Variants in AP3B1 observed in about 807,000 individuals in gnomAD.
AP3B1 encodes the protein adaptor related protein complex 3 subunit beta 1.
In AP3B1, 61 loss-of-function variants were observed where a neutral mutation model predicts 132.5. The ratio of observed to expected loss-of-function variants is 0.46; its 90% CI spans 0.37 to 0.57. The LOEUF is 0.57. AP3B1 is among the 20% of genes least tolerant of loss of function. AP3B1 has a pLI of 0.00. For synonymous variants in AP3B1, 388 were observed against 438.3 expected, an observed-to-expected ratio of 0.89 and a Z score of 1.43; for missense variants, 1,120 against 1,289.4, an observed-to-expected ratio of 0.87 and a Z score of 2.01.
At chr5:78,051,079 A>C (rs1482812817) in intron 22 of AP3B1, among the ~76,000 whole-genome samples, 1 of 152,190 alleles carries the variant, frequency 6.6e-6, no homozygotes, top group Non-Finnish European at 1.5e-5. Flanking sequence ...AATCTATGTG[A>C]CTCATGATGC....
chr5:78,215,906 C>T lies in AP3B1; in HGVS notation c.786+149G>A, dbSNP rs544205012. On this transcript the variant is annotated intron_variant, in intron 7 of 26. Coordinates refer to ENST00000255194, the MANE Select transcript of AP3B1 (RefSeq NM_003664.5). ...ATTATGCTTGCATTTATATTGGTTG[C>T]CTGCTTTAGTAAAAGAACAAGAGAC... 7.1e-6 allele frequency: 5 copies of T among 701,520 alleles called. No individual in the cohort carries two copies. In the East Asian group the frequency reaches 1.3e-4, roughly 19 times the overall value. 43.5% of individuals were successfully genotyped at this position (701,520 alleles called of 1,614,324 possible).
intron 14 of AP3B1, among the ~76,000 whole-genome samples, chr5:78,142,249 A>T (rs1753179817): frequency 6.6e-6 from 1 of 152,254 alleles, no homozygotes; most frequent in African/African-American, 2.4e-5. Context: ...AGTACCATTA[A>T]GACCAACAAT....
At chr5:78,169,647 C>T (rs527613444) in intron 11 of AP3B1, among the ~76,000 whole-genome samples, 42 of 152,140 alleles carry the variant, frequency 2.8e-4, no homozygotes, top group African/African-American at 9.4e-4. Flanking sequence ...AAGCTGGTGT[C>T]GAACTCCTGG....
At chr5:78,278,625 A>AAAAAAAAGG (rs1561217252) in intron 1 of AP3B1, among the ~76,000 whole-genome samples, 1 of 52,248 alleles carries the variant, frequency 1.9e-5, no homozygotes, top group African/African-American at 6.1e-5. Flanking sequence ...AAAAAAAAAA[A>AAAAAAAAGG]GGGGGGGGGG....
chr5:78,119,931 A>G (rs1246998141), intron 17 of AP3B1, among the ~76,000 whole-genome samples: 1 of 152,224 alleles, frequency 6.6e-6, no homozygotes, highest in Non-Finnish European at 1.5e-5. Context: ...CGTTAAGGGC[A>G]GCCAGAGAGA....
chr5:78,068,718 T>C (rs959004801), intron 22 of AP3B1, among the ~76,000 whole-genome samples: 5 of 152,012 alleles, frequency 3.3e-5, no homozygotes, highest in Admixed American at 6.5e-5. Flanking sequence ...TTCCAAACAA[T>C]TGAAAAGGAG....
chr5:78,105,946 TC>T (rs1264563513), intron 20 of AP3B1, among the ~76,000 whole-genome samples: 1 of 152,166 alleles, frequency 6.6e-6, no homozygotes, highest in African/African-American at 2.4e-5. Flanking sequence ...CTTTTGACTA[TC>T]CCATTCACAT....
intron 22 of AP3B1, among the ~76,000 whole-genome samples, chr5:78,067,257 C>T (rs1749332125): frequency 6.6e-6 from 1 of 152,146 alleles, no homozygotes; most frequent in African/African-American, 2.4e-5. Flanking sequence ...TAGGAGCACC[C>T]AGATTCATAA....
intron 7 of AP3B1, among the ~76,000 whole-genome samples, chr5:78,203,850 G>T (rs1745398716): frequency 6.6e-6 from 1 of 152,008 alleles, no homozygotes; most frequent in Non-Finnish European, 1.5e-5. Flanking sequence ...TTCATTTTCT[G>T]CCTGTTCAAA....
In AP3B1 at chr5:78,263,803, G is replaced by A. The variant is rs114650828; in HGVS notation, c.204+3717C>T. Among the ~76,000 whole-genome samples the A allele has an allele frequency of 4.2e-3, 645 of 152,296 alleles. 3 individuals are homozygous for A. Among genetic ancestry groups the A allele is most frequent in the African/African-American group, 0.014 (580 of 41,558 alleles). On this transcript the variant is annotated intron_variant, in intron 2 of 26. Coordinates refer to ENST00000255194, the MANE Select transcript of AP3B1 (RefSeq NM_003664.5). ...GTTAATGTGGTATATTACAATGACT[G>A]AATTTTGTGTTATTTTTAAATTACA...
rs898909883 is a variant in AP3B1, at chr5:78,272,512, G to A, written c.129-4917C>T. Among the ~76,000 whole-genome samples the A allele has an allele frequency of 7.9e-5, 12 of 151,966 alleles. No homozygotes were observed. In the East Asian group the frequency reaches 1.5e-3, roughly 20 times the overall value. On this transcript the variant is annotated intron_variant, in intron 1 of 26. Coordinates refer to ENST00000255194, the MANE Select transcript of AP3B1 (RefSeq NM_003664.5). ...TCTATTCTCATCTGGTTCTCCATTC[G>A]CATCTGTGACACAGCAATGAACAAA...
intron 26 of AP3B1, among the ~76,000 whole-genome samples, chr5:78,011,497 A>G (rs1027879735): frequency 6.6e-6 from 1 of 152,246 alleles, no homozygotes; most frequent in East Asian, 1.9e-4. Flanking sequence ...TAAAAATCAT[A>G]TAATCTAACA....
rs759055730 is a variant in AP3B1, at chr5:78,110,253, G to A, written c.2351C>T (p.Ser784Leu). 1 of 1,608,710 alleles carries A rather than the reference G, an allele frequency of 6.2e-7. No individual in the cohort carries two copies. Among genetic ancestry groups the A allele is most frequent in the South Asian group, 1.1e-5 (1 of 90,348 alleles). ...AGATTCACTTTCAGGTTCTGACTCT[G>A]ATTCAGAATCGGAAGAACTGTCTTC... ...SIEDSSSDSE[S>L]ESEPESESES... is the part of the protein sequence containing the mutation. Residue 784 changes from serine to leucine, a missense_variant, in exon 20 of 27, where the codon TCA becomes TTA. Coordinates refer to ENST00000255194, the MANE Select transcript of AP3B1 (RefSeq NM_003664.5).
Position 78,267,504 on chromosome 5 carries a change from T to A in AP3B1, c.204+16A>T. ...TCCATTTTTCCAAAATTGAAGTAAATGAGTATTTTACCTACCCCAACAATC... is the reference window on the plus strand; with the variant it reads ...TCCATTTTTCCAAAATTGAAGTAAAAGAGTATTTTACCTACCCCAACAATC... On this transcript the variant is annotated intron_variant, in intron 2 of 26. Coordinates refer to ENST00000255194, the MANE Select transcript of AP3B1 (RefSeq NM_003664.5). The A allele has an allele frequency of 6.4e-7, 1 of 1,572,844 alleles. No individual in the cohort carries two copies. Among genetic ancestry groups the A allele is most frequent in the Non-Finnish European group, 8.7e-7 (1 of 1,146,048 alleles).
At chr5:78,156,210 A>T in intron 14 of AP3B1, 48 bp downstream of exon 14, 1 of 1,363,024 alleles carries the variant, frequency 7.3e-7, no homozygotes. Flanking sequence ...TAACAAAATT[A>T]CAACTTACTG....
intron 2 of AP3B1, among the ~76,000 whole-genome samples, chr5:78,259,362 A>T (rs1747985918): frequency 6.6e-6 from 1 of 152,184 alleles, no homozygotes; most frequent in South Asian, 2.1e-4. Context: ...GATGGTTACC[A>T]GAGGCTGAGA....
At chr5:78,036,939 G>A (rs189553734) in intron 23 of AP3B1, among the ~76,000 whole-genome samples, 16 of 152,144 alleles carry the variant, frequency 1.1e-4, no homozygotes, top group African/African-American at 3.9e-4. Flanking sequence ...CATCCAGGTG[G>A]TGTTACATAC....
intron 22 of AP3B1, among the ~76,000 whole-genome samples, chr5:78,040,349 T>C (rs1201636955): frequency 6.6e-6 from 1 of 152,208 alleles, no homozygotes; most frequent in East Asian, 1.9e-4. Flanking sequence ...ATTTATGTAC[T>C]AGGAGATATT....
intron 2 of AP3B1, among the ~76,000 whole-genome samples, chr5:78,260,923 A>G (rs1748063595): frequency 6.6e-6 from 1 of 152,244 alleles, no homozygotes; most frequent in African/African-American, 2.4e-5. Flanking sequence ...AGGTTCATCC[A>G]TGTTGTAGCA....
Sources: gnomAD v4.1 joint callset for allele counts (sites outside exome capture counted in the v4.1 genomes callset) on GRCh38, gnomAD v4.1.1 for gene constraint, MANE v1.5 for transcripts, NCBI Gene and HGNC (gene_info 2026-07-23, HGNC 2026-07-21) for gene names.